PTPRD: variants seen among roughly 807,000 people sequenced by gnomAD.
PTPRD encodes receptor-type tyrosine-protein phosphatase delta.
PTPRD carries 34 observed loss-of-function variants against 214.5 expected under a neutral mutation model. The observed-to-expected ratio is 0.16, with a 90% CI of 0.12 to 0.21. The LOEUF is 0.21. PTPRD is among the 10% of genes least tolerant of loss of function. PTPRD has a pLI of 1.00. For missense variants in PTPRD, 2,545 were observed against 2,398.7 expected (o/e 1.06, Z -1.27); for synonymous variants, 1,128 against 845.7 (o/e 1.33, Z -5.79).
At chr9:8,817,524 G>A (rs569359980) in intron 11 of PTPRD, among the ~76,000 whole-genome samples, 4 of 152,148 alleles carry the variant, frequency 2.6e-5, no homozygotes, top group South Asian at 4.2e-4. Flanking sequence ...CCAGCTCCTT[G>A]GGAGGCTGAG....
Position 8,331,953 on chromosome 9 carries a change from A to T in PTPRD, c.5380-217T>A, listed in dbSNP as rs140001274. ...AATCCTAAATTTATTTACTCTTGAAATCCTAAATTTATTTACTCTTGCAGT... is the reference window on the plus strand; with the variant it reads ...AATCCTAAATTTATTTACTCTTGAATTCCTAAATTTATTTACTCTTGCAGT... On this transcript the variant is annotated intron_variant, in intron 43 of 45. Transcript: ENST00000381196. Among the ~76,000 whole-genome samples the T allele has an allele frequency of 4.4e-5, 3 of 68,462 alleles. No individual in the cohort carries two copies. In the Admixed American group the frequency reaches 5.4e-4, roughly 12 times the overall value. 44.9% of individuals were successfully genotyped at this position (68,462 alleles called of 152,430 possible).
intron 2 of PTPRD, among the ~76,000 whole-genome samples, chr9:10,446,669 A>G (rs1219835082): frequency 3.9e-5 from 6 of 152,056 alleles, no homozygotes; most frequent in Non-Finnish European, 8.8e-5. Flanking sequence ...CATGGCATGA[A>G]GCCATGGGAC....
intron 7 of PTPRD, among the ~76,000 whole-genome samples, chr9:9,651,366 T>C (rs866837612): frequency 1.3e-5 from 2 of 152,266 alleles, no homozygotes; most frequent in African/African-American, 2.4e-5. Context: ...TGACCATTAG[T>C]TATTTTTCCT....
chr9:9,516,726 C>T (rs550117916), intron 8 of PTPRD, among the ~76,000 whole-genome samples: 7 of 151,878 alleles, frequency 4.6e-5, no homozygotes, highest in East Asian at 3.9e-4. Context: ...TTAGTAAAGA[C>T]GGGGCTTCGC....
intron 9 of PTPRD, among the ~76,000 whole-genome samples, chr9:9,342,702 T>C (rs2047263040): frequency 1.1e-5 from 1 of 92,496 alleles, no homozygotes; most frequent in Non-Finnish European, 2.0e-5. Flanking sequence ...ATTGTATATC[T>C]CTGACTTTTT....
intron 10 of PTPRD, among the ~76,000 whole-genome samples, chr9:9,108,352 G>A (rs376430477): frequency 6.6e-6 from 1 of 152,154 alleles, no homozygotes; most frequent in Non-Finnish European, 1.5e-5. Flanking sequence ...TGACCCAGCA[G>A]AGGAAATAAA....
In PTPRD at chr9:8,606,881, G is replaced by C. The variant is rs76895885; in HGVS notation, c.352+26436C>G. 8.1e-3 allele frequency among the ~76,000 whole-genome samples: 1,232 copies of C among 151,988 alleles called. 7 individuals are homozygous for C. The highest frequency in any genetic ancestry group is 0.013 in the Non-Finnish European group (869 of 67,938). On this transcript the variant is annotated intron_variant, in intron 14 of 45. Coordinates refer to ENST00000381196, the MANE Select transcript of PTPRD (RefSeq NM_002839.4). ...TCCAGGATCTGTCACAGTTTTTTTT[G>C]TGTGACCAAATTTGGGCATCTCTCT...
intron 10 of PTPRD, among the ~76,000 whole-genome samples, chr9:9,096,569 T>C (rs117668991): frequency 0.012 from 1,855 of 152,306 alleles, 12 homozygotes; most frequent in Non-Finnish European, 0.017. Flanking sequence ...GGTGAAGATA[T>C]AGATGATTTC....
Position 8,436,424 on chromosome 9 carries a change from T to C in PTPRD, c.4086+168A>G, listed in dbSNP as rs569324157. Among the ~76,000 whole-genome samples, 4 of 152,344 alleles carry C rather than the reference T, an allele frequency of 2.6e-5. No homozygotes were observed. The East Asian group carries it at 7.7e-4, about 29-fold the overall frequency. On this transcript the variant is annotated intron_variant, in intron 35 of 45. Transcript: ENST00000381196. ...ACTTTTTCAAACTGTAATTACTATATTGCTTGTGCAGACACTTTTAAGTTG... is the reference window on the plus strand; with the variant it reads ...ACTTTTTCAAACTGTAATTACTATACTGCTTGTGCAGACACTTTTAAGTTG...
At chr9:9,788,244 G>GA (rs200789566) in intron 5 of PTPRD, among the ~76,000 whole-genome samples, 2,246 of 151,752 alleles carry the variant, frequency 0.015, 68 homozygotes, top group African/African-American at 0.05. Context: ...AGGATGCCAT[G>GA]AAAAAAGATA....
chr9:8,997,986 G>A, intron 11 of PTPRD, among the ~76,000 whole-genome samples: 1 of 152,034 alleles, frequency 6.6e-6, no homozygotes, highest in Middle Eastern at 3.2e-3. Flanking sequence ...TGAAGTCTGA[G>A]AGAGGCAAGG....
At chr9:9,383,958 C>T (rs1387714549) in intron 9 of PTPRD, among the ~76,000 whole-genome samples, 2 of 151,836 alleles carry the variant, frequency 1.3e-5, no homozygotes, top group African/African-American at 4.8e-5. Context: ...TAACCCTGCT[C>T]AGTATATTGA....
chr9:9,230,856 T>C (rs944375126), intron 9 of PTPRD, among the ~76,000 whole-genome samples: 5 of 152,168 alleles, frequency 3.3e-5, no homozygotes, highest in Non-Finnish European at 1.5e-5. Context: ...CTATCTTTTG[T>C]TGGATAACCT....
chr9:8,502,338 A>G (rs1333925936), intron 23 of PTPRD, among the ~76,000 whole-genome samples: 1 of 152,118 alleles, frequency 6.6e-6, no homozygotes, highest in African/African-American at 2.4e-5. Flanking sequence ...CCTATATTTC[A>G]TATTTGAATG....
intron 7 of PTPRD, among the ~76,000 whole-genome samples, chr9:9,666,148 A>G (rs1413398881): frequency 6.6e-6 from 1 of 151,904 alleles, no homozygotes; most frequent in East Asian, 1.9e-4. Context: ...GATGAAGTAT[A>G]TATGTATTAA....
chr9:9,438,836 A>G (rs1398764798), intron 8 of PTPRD, among the ~76,000 whole-genome samples: 2 of 152,172 alleles, frequency 1.3e-5, no homozygotes, highest in African/African-American at 2.4e-5. Flanking sequence ...AATATTCTAA[A>G]TTGAACATAA....
At chr9:9,696,473 T>C (rs1004604652) in intron 7 of PTPRD, among the ~76,000 whole-genome samples, 4 of 152,152 alleles carry the variant, frequency 2.6e-5, no homozygotes, top group Admixed American at 1.3e-4. Flanking sequence ...CTTTTTATAA[T>C]TGGGTGCTCC....
chr9:8,949,873 G>C (rs1187177980), intron 11 of PTPRD, among the ~76,000 whole-genome samples: 2 of 152,114 alleles, frequency 1.3e-5, no homozygotes, highest in Non-Finnish European at 2.9e-5. Flanking sequence ...TGAAAATGCT[G>C]ATCCAGAAGA....
intron 11 of PTPRD, among the ~76,000 whole-genome samples, chr9:8,761,205 C>T (rs1175081069): frequency 6.6e-6 from 1 of 152,036 alleles, no homozygotes; most frequent in African/African-American, 2.4e-5. Context: ...GTTGTCCTTG[C>T]ATCCTAATAA....
Sources: allele counts gnomAD v4.1 joint callset (sites outside exome capture counted in the v4.1 genomes callset), GRCh38; gene constraint gnomAD v4.1.1; transcripts MANE v1.5; gene names NCBI Gene and HGNC (gene_info 2026-07-23, HGNC 2026-07-21).